MDGA2: variants seen among roughly 807,000 people sequenced by gnomAD.
The protein encoded by MDGA2 is MAM domain containing glycosylphosphatidylinositol anchor 2.
MDGA2 carries 40 observed loss-of-function variants against 117.8 expected under a neutral mutation model. The ratio of observed to expected loss-of-function variants is 0.34; its 90% CI spans 0.26 to 0.44. The LOEUF is 0.44. Ranked by LOEUF, MDGA2 falls within the 20% of genes least tolerant of loss-of-function variation. The probability of loss-of-function intolerance (pLI) is 1.00; values close to 1 mark genes in which losing one functional copy is unlikely to be tolerated. For missense variants in MDGA2, 1,123 were observed against 1,250.6 expected, an observed-to-expected ratio of 0.90 and a Z score of 1.54; for synonymous variants, 452 against 439.0, an observed-to-expected ratio of 1.03 and a Z score of -0.37.
At chr14:47,013,472 G>T (rs143382825) in intron 8 of MDGA2, among the ~76,000 whole-genome samples, 2 of 151,886 alleles carry the variant, frequency 1.3e-5, no homozygotes, top group African/African-American at 4.8e-5. Context: ...TTCTCCACTG[G>T]AATCTTGAAT....
chr14:46,881,017 C>CACACAG (rs150579538), intron 11 of MDGA2, among the ~76,000 whole-genome samples: 2 of 146,784 alleles, frequency 1.4e-5, no homozygotes, highest in Non-Finnish European at 3.0e-5. Context: ...CTAACACACA[C>CACACAG]ACACACACAC....
At chr14:47,380,061 G>GA (rs1275821583) in intron 1 of MDGA2, among the ~76,000 whole-genome samples, 2 of 152,104 alleles carry the variant, frequency 1.3e-5, no homozygotes, top group African/African-American at 4.8e-5. Context: ...ACCCAGGATT[G>GA]AGAAACTCAC....
intron 8 of MDGA2, among the ~76,000 whole-genome samples, chr14:46,975,863 G>A (rs1886438791): frequency 6.6e-6 from 1 of 152,026 alleles, no homozygotes; most frequent in Non-Finnish European, 1.5e-5. Context: ...TTCTTGCTAT[G>A]TCCTCGCATG....
intron 1 of MDGA2, among the ~76,000 whole-genome samples, chr14:47,392,798 G>A (rs779846754): frequency 5.9e-5 from 9 of 152,052 alleles, no homozygotes; most frequent in Non-Finnish European, 1.3e-4. Flanking sequence ...TGTTGAATGA[G>A]ATTTCTTAAT....
intron 8 of MDGA2, among the ~76,000 whole-genome samples, chr14:47,014,058 G>A (rs1489217425): frequency 6.6e-6 from 1 of 151,854 alleles, no homozygotes; most frequent in East Asian, 2.0e-4. Flanking sequence ...TCCTCCCAAA[G>A]TGTTGAGATT....
rs966685265 is a variant in MDGA2, at chr14:47,498,397, A to AT, written c.280+176119dup. Among the ~76,000 whole-genome samples the AT allele has an allele frequency of 1.3e-4, 20 of 151,760 alleles. No individual in the cohort carries two copies. In the East Asian group the frequency reaches 1.4e-3, roughly 10 times the overall value. On this transcript the variant is annotated intron_variant, in intron 1 of 16. Transcript: ENST00000399232. The stretch of plus-strand genomic sequence containing the variant: ...ACAAAATGCTGAGCAAAGGATAAAT[A>AT]TTTTTTTTTCATGAAGCTGTTACTG...
At chr14:47,665,772 C>A (rs1302986457) in intron 1 of MDGA2, among the ~76,000 whole-genome samples, 2 of 151,100 alleles carry the variant, frequency 1.3e-5, no homozygotes, top group Non-Finnish European at 3.0e-5. Context: ...CCCTGCGGGG[C>A]AGGGCTCGGG....
At chr14:46,878,822 C>T (rs186281677) in intron 11 of MDGA2, among the ~76,000 whole-genome samples, 2 of 151,926 alleles carry the variant, frequency 1.3e-5, no homozygotes, top group East Asian at 1.9e-4. Flanking sequence ...AAGATGTAAG[C>T]GTCCTTGAAT....
chr14:47,548,008 T>A (rs1423550922), intron 1 of MDGA2, among the ~76,000 whole-genome samples: 1 of 152,214 alleles, frequency 6.6e-6, no homozygotes, highest in Admixed American at 6.5e-5. Flanking sequence ...AATTACATCC[T>A]TATATATGAT....
At chr14:47,059,702 C>CA (rs900247192) in intron 7 of MDGA2, among the ~76,000 whole-genome samples, 17 of 152,114 alleles carry the variant, frequency 1.1e-4, no homozygotes, top group African/African-American at 4.1e-4. Context: ...TAGATAAAAG[C>CA]ATTGATTCTT....
intron 1 of MDGA2, among the ~76,000 whole-genome samples, chr14:47,646,559 C>G (rs963458483): frequency 2.0e-5 from 3 of 152,068 alleles, no homozygotes; most frequent in Non-Finnish European, 4.4e-5. Context: ...TGTTATTTAT[C>G]CTCTCTAAGC....
intron 1 of MDGA2, among the ~76,000 whole-genome samples, chr14:47,478,149 T>G (rs1310211433): frequency 2.0e-5 from 3 of 152,210 alleles, no homozygotes; most frequent in Non-Finnish European, 4.4e-5. Flanking sequence ...AAATAAAAGT[T>G]TAACCTTAAA....
intron 6 of MDGA2, among the ~76,000 whole-genome samples, chr14:47,069,515 T>A (rs1401312581): frequency 2.6e-5 from 4 of 152,214 alleles, no homozygotes; most frequent in African/African-American, 7.2e-5. Flanking sequence ...GAAAATAAAT[T>A]AGTGGACTGT....
At chr14:47,065,997 G>A (rs1890065976) in intron 6 of MDGA2, among the ~76,000 whole-genome samples, 2 of 152,152 alleles carry the variant, frequency 1.3e-5, no homozygotes, top group Admixed American at 1.3e-4. Context: ...TTTATTCTTT[G>A]CTGAAGAGAA....
At chr14:47,250,042 A>G (rs1261097069) in intron 2 of MDGA2, among the ~76,000 whole-genome samples, 1 of 152,246 alleles carries the variant, frequency 6.6e-6, no homozygotes, top group Non-Finnish European at 1.5e-5. Context: ...TGACATGGGT[A>G]GAGACACAAG....
chr14:47,269,068 G>A (rs1952213), intron 2 of MDGA2, among the ~76,000 whole-genome samples: 3 of 151,958 alleles, frequency 2.0e-5, no homozygotes, highest in Admixed American at 6.6e-5. Context: ...ATTGAGGAAG[G>A]CTCCAATGGT....
intron 6 of MDGA2, among the ~76,000 whole-genome samples, chr14:47,071,584 T>A (rs1167192699): frequency 6.6e-6 from 1 of 151,996 alleles, no homozygotes; most frequent in Non-Finnish European, 1.5e-5. Flanking sequence ...GAAAATTCTA[T>A]CAAACAAGCA....
intron 1 of MDGA2, among the ~76,000 whole-genome samples, chr14:47,484,688 G>A (rs73260184): frequency 0.029 from 4,454 of 152,206 alleles, 214 homozygotes; most frequent in African/African-American, 0.099. Context: ...GATGTTGTGG[G>A]AGGGACCCCG....
intron 1 of MDGA2, among the ~76,000 whole-genome samples, chr14:47,639,814 G>A (rs1212524487): frequency 6.6e-6 from 1 of 152,066 alleles, no homozygotes; most frequent in Non-Finnish European, 1.5e-5. Flanking sequence ...GTGCCTTTCT[G>A]CACAGTAGAA....
Sources: gnomAD v4.1 joint callset for allele counts (sites outside exome capture counted in the v4.1 genomes callset) on GRCh38, gnomAD v4.1.1 for gene constraint, MANE v1.5 for transcripts, NCBI Gene and HGNC (gene_info 2026-07-23, HGNC 2026-07-21) for gene names.